Variants in RCOR1 observed in about 807,000 individuals in gnomAD.
RCOR1 encodes the protein REST corepressor 1.
A neutral mutation model predicts 64.0 loss-of-function variants in RCOR1; 12 were observed. The observed-to-expected ratio is 0.19, with a 90% CI of 0.12 to 0.30. RCOR1 has a LOEUF of 0.30. RCOR1 is among the 10% of genes least tolerant of loss of function. RCOR1 has a pLI of 1.00. For synonymous variants in RCOR1, 279 were observed against 227.2 expected, an observed-to-expected ratio of 1.23 and a Z score of -2.05; for missense variants, 502 against 621.2, an observed-to-expected ratio of 0.81 and a Z score of 2.04.
intron 6 of RCOR1, among the ~76,000 whole-genome samples, chr14:102,709,933 C>G (rs1225352764): frequency 6.6e-6 from 1 of 152,216 alleles, no homozygotes; most frequent in South Asian, 2.1e-4. Context: ...GCATTAGTCC[C>G]GATGGGGCCA....
In RCOR1 at chr14:102,620,236, TAC is replaced by T. The variant is rs559253956; in HGVS notation, c.361+26926_361+26927del. Among the ~76,000 whole-genome samples the T allele has an allele frequency of 6.9e-5, 8 of 115,484 alleles. No individual in the cohort carries two copies. In the South Asian group the frequency reaches 7.0e-4, roughly 10 times the overall value. 75.8% of individuals were successfully genotyped at this position (115,484 alleles called of 152,430 possible). On this transcript the variant is annotated intron_variant, in intron 2 of 11. Transcript: ENST00000262241. ...GAGACACCCCGTCACCACACACTTA[TAC>T]ACACACACACACACCCCCCCACACC...
chr14:102,716,010 A>G (rs1896063230), intron 8 of RCOR1, among the ~76,000 whole-genome samples: 1 of 152,216 alleles, frequency 6.6e-6, no homozygotes, highest in South Asian at 2.1e-4. Flanking sequence ...ATTACCTCAC[A>G]GGGGCAAAAT....
At chr14:102,669,223 C>T (rs1398070185) in intron 2 of RCOR1, among the ~76,000 whole-genome samples, 4 of 151,298 alleles carry the variant, frequency 2.6e-5, no homozygotes, top group Non-Finnish European at 1.5e-5. Flanking sequence ...GCAGGAGAAT[C>T]GCTTGAACCC....
At chr14:102,663,810 C>T (rs1275705669) in intron 2 of RCOR1, among the ~76,000 whole-genome samples, 4 of 152,064 alleles carry the variant, frequency 2.6e-5, no homozygotes, top group Admixed American at 6.6e-5. Context: ...TCGTATGTGG[C>T]GAAATTACAT....
chr14:102,679,430 C>T (rs1595226886), intron 2 of RCOR1, among the ~76,000 whole-genome samples: 1 of 150,774 alleles, frequency 6.6e-6, no homozygotes, highest in African/African-American at 2.4e-5. Flanking sequence ...TCATTTGATC[C>T]TGTATGTGTG....
intron 3 of RCOR1, among the ~76,000 whole-genome samples, chr14:102,683,720 C>T (rs117581228): frequency 0.012 from 1,896 of 152,342 alleles, 17 homozygotes; most frequent in Admixed American, 0.019. Flanking sequence ...CCAGTGCGCT[C>T]GGCCACGCTT....
At chr14:102,597,070 A>G (rs903493436) in intron 2 of RCOR1, among the ~76,000 whole-genome samples, 4 of 150,602 alleles carry the variant, frequency 2.7e-5, no homozygotes, top group Non-Finnish European at 4.4e-5. Context: ...ACGGGGTTTC[A>G]CCATATTGGC....
chr14:102,657,789 G>T (rs191397315), intron 2 of RCOR1: 2 of 750,670 alleles, frequency 2.7e-6, no homozygotes, highest in Non-Finnish European at 3.2e-6. Flanking sequence ...AGTGAGCCTA[G>T]ATCACTCCAT....
chr14:102,692,016 T>C (rs1238097659), intron 3 of RCOR1, among the ~76,000 whole-genome samples: 1 of 152,244 alleles, frequency 6.6e-6, no homozygotes, highest in Non-Finnish European at 1.5e-5. Flanking sequence ...AGAATTTATT[T>C]GCTCCACATC....
rs761077812 is a variant in RCOR1, at chr14:102,593,332, A to T, written c.361+7A>T. On this transcript the variant is annotated splice_region_variant and intron_variant, in intron 2 of 11. Transcript: ENST00000262241. ...GTGCCCGACTTCGACCCCGGTGAGT[A>T]GCGGCCCCGGCCGGCCGGCGGCGGG... The T allele has an allele frequency of 2.1e-4, 324 of 1,537,546 alleles. No individual in the cohort carries two copies. The highest frequency in any genetic ancestry group is 2.5e-4 in the Non-Finnish European group (293 of 1,150,002).
In RCOR1 at chr14:102,655,970, C is replaced by T. The variant is rs139191979; in HGVS notation, c.362-25925C>T. 5.0e-3 allele frequency: 4,946 copies of T among 982,578 alleles called. 126 individuals are homozygous for T. In the African/African-American group the frequency reaches 0.07, roughly 14 times the overall value. The allele number at this position is 982,578 out of a possible 1,614,324, so 60.9% of individuals were successfully genotyped here. A position where few individuals can be genotyped will look rare whatever the true frequency, so the allele number is the denominator to read the frequency against. On this transcript the variant is annotated intron_variant, in intron 2 of 11. Transcript: ENST00000262241. ...TTTTTGTCACACACACACACACACACACACACACACACACACACGTGAAAT... is the reference window on the plus strand; with the variant it reads ...TTTTTGTCACACACACACACACACATACACACACACACACACACGTGAAAT...
intron 2 of RCOR1, among the ~76,000 whole-genome samples, chr14:102,664,324 A>G (rs1204758486): frequency 6.6e-6 from 1 of 152,074 alleles, no homozygotes; most frequent in East Asian, 1.9e-4. Flanking sequence ...CATGTTGTCC[A>G]GGCTGTTCTT....
rs557379235 is a variant in RCOR1 at position 102,707,813 on chromosome 14, G to A, written c.660+301G>A. 5.6e-5 allele frequency among the ~76,000 whole-genome samples: 8 copies of A among 143,698 alleles called. No homozygotes were observed. In the East Asian group the frequency reaches 6.5e-4, roughly 12 times the overall value. 94.3% of individuals were successfully genotyped at this position (143,698 alleles called of 152,430 possible). A position where few individuals can be genotyped will look rare whatever the true frequency, so the allele number is the denominator to read the frequency against. ...TACGAAGGACTTTTTTTTTTTAGAC[G>A]GAGTCTCGCTCTATCACCAGGCTGG... On this transcript the variant is annotated intron_variant, in intron 5 of 11. Coordinates refer to ENST00000262241, the MANE Select transcript of RCOR1 (RefSeq NM_015156.4).
At chr14:102,621,929 T>C (rs1253327204) in intron 2 of RCOR1, among the ~76,000 whole-genome samples, 3 of 152,178 alleles carry the variant, frequency 2.0e-5, no homozygotes, top group East Asian at 3.9e-4. Flanking sequence ...CTGGCATTGC[T>C]AACCAACTGT....
At chr14:102,721,275 C>T (rs1289726353) in intron 9 of RCOR1, 45 bp from the exon 10 acceptor site, 7 of 1,517,956 alleles carry the variant, frequency 4.6e-6, no homozygotes, top group East Asian at 2.3e-5. Context: ...AGGACATACT[C>T]ATCTCTAAAT....
intron 4 of RCOR1, among the ~76,000 whole-genome samples, chr14:102,706,603 A>G (rs999865268): frequency 1.3e-5 from 2 of 152,126 alleles, no homozygotes; most frequent in Non-Finnish European, 2.9e-5. Context: ...AAGTGGGTAG[A>G]TCACTTGAGC....
chr14:102,614,796 A>G (rs1220785128), intron 2 of RCOR1, among the ~76,000 whole-genome samples: 1 of 152,130 alleles, frequency 6.6e-6, no homozygotes, highest in Non-Finnish European at 1.5e-5. Flanking sequence ...GCTCAGGAAA[A>G]GCATATAAAA....
rs1896283218 is a variant in RCOR1, at chr14:102,727,144, T to C, written c.*638T>C. ...TGGCTTAAATCTCCCTCTTCTCCCT[T>C]CCCAAGTGTTACAAAGATCATTTAC... On this transcript the variant is annotated 3_prime_UTR_variant, in exon 12 of 12. Coordinates refer to ENST00000262241, the MANE Select transcript of RCOR1 (RefSeq NM_015156.4). 6.6e-6 allele frequency: 1 copy of C among 152,190 alleles called. No homozygotes were observed. Among genetic ancestry groups the C allele is most frequent in the Non-Finnish European group, 1.5e-5 (1 of 68,074 alleles). 9.4% of individuals were successfully genotyped at this position (152,190 alleles called of 1,614,324 possible).
chr14:102,640,371 A>C (rs1226185113), intron 2 of RCOR1, among the ~76,000 whole-genome samples: 1 of 152,190 alleles, frequency 6.6e-6, no homozygotes, highest in African/African-American at 2.4e-5. Context: ...CAGTATTTAG[A>C]TATGTATGAA....
Sources: gnomAD v4.1 joint callset for allele counts (sites outside exome capture counted in the v4.1 genomes callset) on GRCh38, gnomAD v4.1.1 for gene constraint, MANE v1.5 for transcripts, NCBI Gene and HGNC (gene_info 2026-07-23, HGNC 2026-07-21) for gene names.